The following FBXO34 variants were observed in gnomAD, a reference collection of about 807,000 sequenced individuals.
The protein encoded by FBXO34 is F-box only protein 34.
FBXO34 carries 12 observed loss-of-function variants against 24.5 expected under a neutral mutation model. That is an observed-to-expected ratio of 0.49 (90% confidence interval 0.31 to 0.79). The LOEUF (loss-of-function observed/expected upper bound fraction) is 0.79. FBXO34 is among the 30% of genes least tolerant of loss of function. The pLI, the probability that FBXO34 is intolerant of heterozygous loss-of-function variation, is 0.04. For missense variants in FBXO34, 823 were observed against 857.7 expected (o/e 0.96, Z 0.51); for synonymous variants, 320 against 311.9 (o/e 1.03, Z -0.27).
chr14:55,347,238 C>A (rs1373948602), intron 1 of FBXO34, among the ~76,000 whole-genome samples: 4 of 152,166 alleles, frequency 2.6e-5, no homozygotes, highest in Admixed American at 2.6e-4. Context: ...TTACCCCACC[C>A]ATGCCTGCCT....
At chr14:55,312,716 C>T (rs1205100856) in intron 1 of FBXO34, among the ~76,000 whole-genome samples, 2 of 152,252 alleles carry the variant, frequency 1.3e-5, no homozygotes, top group Non-Finnish European at 2.9e-5. Context: ...GAAGTAATGG[C>T]CTGAGCTGTA....
At chr14:55,405,890 G>A in the FBXO34 span, among the ~76,000 whole-genome samples, 5 of 140,442 alleles carry the variant, frequency 3.6e-5, no homozygotes, top group African/African-American at 1.0e-4. Context: ...GTGGGGTGGC[G>A]GGGGGGGCAG....
chr14:55,298,161 A>T (rs2139698349), intron 1 of FBXO34, among the ~76,000 whole-genome samples: 1 of 151,898 alleles, frequency 6.6e-6, no homozygotes, highest in African/African-American at 2.4e-5. Context: ...GTGGCTTTGA[A>T]TACTGCCCAA....
intron 3 of FBXO34, among the ~76,000 whole-genome samples, chr14:55,360,183 T>G (rs1594771281): frequency 6.6e-6 from 1 of 152,004 alleles, no homozygotes; most frequent in African/African-American, 2.4e-5. Context: ...AGAGATTCTC[T>G]TGCCTCAGCC....
chr14:55,333,314 G>A lies in FBXO34; in HGVS notation c.-10-17067G>A, dbSNP rs544283035. Among the ~76,000 whole-genome samples, 18 of 152,164 alleles carry A rather than the reference G, an allele frequency of 1.2e-4. No homozygotes were observed. The East Asian group carries it at 3.1e-3, about 26-fold the overall frequency. Reference sequence around the variant, plus strand: ...CTATTACCACATTCCCCTTTACTTCGACCCTCTTGGTTTTGCTGTTTGCTG... The same window carrying A: ...CTATTACCACATTCCCCTTTACTTCAACCCTCTTGGTTTTGCTGTTTGCTG... On this transcript the variant is annotated intron_variant, in intron 1 of 1. Transcript: ENST00000313833.
chr14:55,396,001 G>A, the FBXO34 span: 1 of 1,553,852 alleles, frequency 6.4e-7, no homozygotes, highest in Non-Finnish European at 8.7e-7. Flanking sequence ...AAAAGAGACA[G>A]AAAATAAGCT....
chr14:55,288,100 A>G (rs1330667500), intron 1 of FBXO34, among the ~76,000 whole-genome samples: 1 of 152,172 alleles, frequency 6.6e-6, no homozygotes, highest in Non-Finnish European at 1.5e-5. Context: ...GGTATAAATG[A>G]TGTCTCCTTT....
chr14:55,419,358 T>C, the FBXO34 span, among the ~76,000 whole-genome samples: 1 of 152,238 alleles, frequency 6.6e-6, no homozygotes, highest in Non-Finnish European at 1.5e-5. Context: ...GTCATATGAG[T>C]GCCCAATATG....
At chr14:55,332,225 A>G (rs1320053857) in intron 1 of FBXO34, among the ~76,000 whole-genome samples, 2 of 151,820 alleles carry the variant, frequency 1.3e-5, no homozygotes, top group Non-Finnish European at 2.9e-5. Context: ...GTTTGCTAGC[A>G]CATTGGAGCA....
intron 1 of FBXO34, among the ~76,000 whole-genome samples, chr14:55,305,095 T>C (rs1372675975): frequency 1.3e-5 from 2 of 152,112 alleles, no homozygotes; most frequent in Non-Finnish European, 1.5e-5. Context: ...GTGATTGGAA[T>C]TGCAACTGAA....
intron 1 of FBXO34, among the ~76,000 whole-genome samples, chr14:55,284,342 T>C (rs1487846956): frequency 6.6e-6 from 1 of 151,918 alleles, no homozygotes; most frequent in African/African-American, 2.4e-5. Flanking sequence ...GGTGAAACCC[T>C]GTCTCTACTA....
chr14:55,423,929 A>C, the FBXO34 span, among the ~76,000 whole-genome samples: 1 of 152,256 alleles, frequency 6.6e-6, no homozygotes, highest in Non-Finnish European at 1.5e-5. Flanking sequence ...CTGTAAAAAA[A>C]TCAGGATGTA....
chr14:55,350,494 A>T lies in FBXO34; in HGVS notation c.104A>T (p.Asp35Val). 3.7e-6 allele frequency: 6 copies of T among 1,614,040 alleles called. No homozygotes were observed. Among genetic ancestry groups the T allele is most frequent in the Non-Finnish European group, 5.1e-6 (6 of 1,180,006 alleles). ...TPMNHQKAVN[D>V]ETCKASHITS... is the part of the protein sequence containing the mutation. ...ATGAACCACCAAAAGGCTGTAAATG[A>T]TGAAACATGCAAAGCTAGCCACATA... Residue 35 changes from aspartate to valine, a missense_variant, in exon 2 of 2, where the codon GAT becomes GTT. By Grantham distance (152) the Asp-to-Val change is radical (BLOSUM62 -3). Around this residue, in one of 2 missense-constraint regions of FBXO34, gnomAD observed 693 missense variants for 659.1 expected, o/e 1.05. Transcript: ENST00000313833.
chr14:55,363,424 T>C (rs964254891), downstream of FBXO34, among the ~76,000 whole-genome samples: 1 of 151,984 alleles, frequency 6.6e-6, no homozygotes, highest in Admixed American at 6.6e-5. Context: ...GCCTCGCAGG[T>C]TTACATGATC....
At chr14:55,335,738 A>G (rs975596494) in intron 1 of FBXO34, among the ~76,000 whole-genome samples, 1 of 152,022 alleles carries the variant, frequency 6.6e-6, no homozygotes. Flanking sequence ...ACTTTTAATC[A>G]ATCAGTTTCC....
chr14:55,273,809 T>A (rs1881242886), intron 1 of FBXO34, among the ~76,000 whole-genome samples: 1 of 152,252 alleles, frequency 6.6e-6, no homozygotes, highest in East Asian at 1.9e-4. Context: ...TACTAGTTTT[T>A]TTGTATGTTT....
At chr14:55,292,504 C>T (rs1284649201) in intron 1 of FBXO34, among the ~76,000 whole-genome samples, 2 of 152,036 alleles carry the variant, frequency 1.3e-5, no homozygotes, top group African/African-American at 2.4e-5. Context: ...GGACTACAGG[C>T]GTGTACCACC....
rs146325881 is a variant in FBXO34, at chr14:55,352,142, A to G, written c.1752A>G (p.Val584=). Residue 584 remains valine, a synonymous_variant, in exon 2 of 2, where the codon GTA becomes GTG. Transcript: ENST00000313833. ...YMAFLPHHIM[V]KIFRLLPTKS... ...CTTTTCTGCCCCACCACATTATGGT[A>G]AAAATCTTCAGGTTACTTCCCACCA... 2 of 1,614,196 alleles carry G rather than the reference A, an allele frequency of 1.2e-6. No individual in the cohort carries two copies. The highest frequency in any genetic ancestry group is 1.7e-6 in the Non-Finnish European group (2 of 1,180,024).
At chr14:55,275,688 G>C (rs1054310712) in intron 1 of FBXO34, among the ~76,000 whole-genome samples, 13 of 151,808 alleles carry the variant, frequency 8.6e-5, no homozygotes, top group African/African-American at 2.7e-4. Context: ...GCCAGGCGTG[G>C]TGGCGGGTAC....
Sources: gnomAD v4.1 joint callset for allele counts (sites outside exome capture counted in the v4.1 genomes callset) on GRCh38, gnomAD v4.1.1 for gene constraint, gnomAD v4.1.1 regional missense constraint, MANE v1.5 for transcripts, NCBI Gene and HGNC (gene_info 2026-07-23, HGNC 2026-07-21) for gene names.